RHOBTB2: variants seen among roughly 807,000 people sequenced by gnomAD.
RHOBTB2 encodes Rho related BTB domain containing 2.
In RHOBTB2, 39 loss-of-function variants were observed where a neutral mutation model predicts 66.5. The ratio of observed to expected loss-of-function variants is 0.59; its 90% confidence interval spans 0.45 to 0.77. The LOEUF is 0.77. RHOBTB2 is among the 30% of genes least tolerant of loss of function. The probability of loss-of-function intolerance (pLI) is 0.00; values close to 1 mark genes in which losing one functional copy is unlikely to be tolerated. For missense variants in RHOBTB2, 755 were observed against 999.1 expected, an observed-to-expected ratio of 0.76 and a Z score of 3.29; for synonymous variants, 390 against 395.0, an observed-to-expected ratio of 0.99 and a Z score of 0.15.
intron 3 of RHOBTB2, 39 bp downstream of exon 3, chr8:23,005,514 G>T: frequency 7.3e-7 from 1 of 1,361,974 alleles, no homozygotes; most frequent in Non-Finnish European, 1.1e-6. Flanking sequence ...GAACCAACAG[G>T]GTGGGTTTTT....
chr8:22,988,373 A>G lies in RHOBTB2; in HGVS notation c.-137+810A>G, dbSNP rs557692438. Among the ~76,000 whole-genome samples the G allele has an allele frequency of 2.0e-5, 3 of 151,550 alleles. No homozygotes were observed. The South Asian group carries it at 6.3e-4, about 32-fold the overall frequency. ...GACAGGGTTTCAGCATATTGGCCAC[A>G]CTGGTTTCGAACTCCTGACCTCAAG... On this transcript the variant is annotated intron_variant, in intron 1 of 11. Transcript: ENST00000519685.
At chr8:22,960,163 A>G in the RHOBTB2 span, among the ~76,000 whole-genome samples, 3 of 150,338 alleles carry the variant, frequency 2.0e-5, no homozygotes, top group Admixed American at 6.7e-5. Context: ...AGCCTGGGCG[A>G]CAGAGTGAGA....
At position 23,007,220 on chromosome 8, in the gene RHOBTB2, ACAC is replaced by A. The variant is rs754479791; in HGVS notation, c.984_986del (p.His334del). ...AGGACCACCAGGGCCACTCTGATCAACACCACCACCATCACCACCACCACCATG... is the reference window on the plus strand; with the variant it reads ...AGGACCACCAGGGCCACTCTGATCAACACCACCATCACCACCACCACCATG... On this transcript the variant is annotated inframe_deletion, in exon 5 of 10. Coordinates refer to ENST00000251822, the MANE Select transcript of RHOBTB2 (RefSeq NM_015178.3). 1 of 1,608,338 alleles carries A rather than the reference ACAC, an allele frequency of 6.2e-7. No individual in the cohort carries two copies. Among genetic ancestry groups the A allele is most frequent in the Admixed American group, 1.7e-5 (1 of 59,902 alleles).
At chr8:23,008,697 A>G (rs1200174291) in intron 6 of RHOBTB2, among the ~76,000 whole-genome samples, 1 of 152,180 alleles carries the variant, frequency 6.6e-6, no homozygotes, top group Non-Finnish European at 1.5e-5. Context: ...TCTGGGGTCA[A>G]TCAGGAGGCA....
the RHOBTB2 span, among the ~76,000 whole-genome samples, chr8:22,957,670 A>T: frequency 6.6e-6 from 1 of 152,238 alleles, no homozygotes; most frequent in Non-Finnish European, 1.5e-5. Context: ...CACAGGGGGA[A>T]GGTTTGCAAA....
intron 1 of RHOBTB2, chr8:22,987,623 G>C (rs1810313783): frequency 6.6e-6 from 1 of 152,370 alleles, no homozygotes. Context: ...GGATCTCCAA[G>C]CCCTGGCTTC....
the RHOBTB2 span, among the ~76,000 whole-genome samples, chr8:22,964,331 T>C: frequency 6.6e-6 from 1 of 152,270 alleles, no homozygotes; most frequent in South Asian, 2.1e-4. Context: ...ATTCCAACAT[T>C]CATTCCTAAT....
At chr8:22,970,618 AT>A in the RHOBTB2 span, among the ~76,000 whole-genome samples, 23 of 144,682 alleles carry the variant, frequency 1.6e-4, no homozygotes, top group Non-Finnish European at 3.3e-4. Flanking sequence ...AAAAAAAAAA[AT>A]TTGATTTATT....
upstream of RHOBTB2, among the ~76,000 whole-genome samples, chr8:22,983,697 C>T (rs1810248583): frequency 6.6e-6 from 1 of 151,434 alleles, no homozygotes; most frequent in East Asian, 1.9e-4. Flanking sequence ...TAACTGGTTT[C>T]ACATACTTTG....
At position 22,999,565 on chromosome 8, in the gene RHOBTB2, T is replaced by G. The variant is rs184413796; in HGVS notation, c.-551T>G. 1 of 1,206,436 alleles carries G rather than the reference T, an allele frequency of 8.3e-7. No individual in the cohort carries two copies. The highest frequency in any genetic ancestry group is 1.0e-6 in the Non-Finnish European group (1 of 954,550). 74.7% of individuals were successfully genotyped at this position (1,206,436 alleles called of 1,614,324 possible). A position where few individuals can be genotyped will look rare whatever the true frequency, so the allele number is the denominator to read the frequency against. Reference sequence around the variant, plus strand: ...CAGTGGGCGGGGCCCGTCACGGCTGTCGTCTTGGGTGCGATTTTTTTCTCC... The same window carrying G: ...CAGTGGGCGGGGCCCGTCACGGCTGGCGTCTTGGGTGCGATTTTTTTCTCC... On this transcript the variant is annotated 5_prime_UTR_variant, in exon 1 of 10. Transcript: ENST00000251822.
the RHOBTB2 span, among the ~76,000 whole-genome samples, chr8:22,970,545 G>T: frequency 6.6e-6 from 1 of 151,750 alleles, no homozygotes; most frequent in Non-Finnish European, 1.5e-5. Context: ...AGGCTGCAGT[G>T]AGGTATAATC....
the RHOBTB2 span, among the ~76,000 whole-genome samples, chr8:22,967,602 T>TAAA: frequency 1.7e-5 from 1 of 57,800 alleles, no homozygotes; most frequent in Non-Finnish European, 2.9e-5. Flanking sequence ...AAACTCTGTC[T>TAAA]AAAAAAAAAA....
intron 6 of RHOBTB2, 28 bp from the exon 7 acceptor site, chr8:23,010,510 G>C: frequency 6.2e-7 from 1 of 1,602,080 alleles, no homozygotes; most frequent in Non-Finnish European, 8.5e-7. Context: ...GGATCTCATT[G>C]CTGTCCGCTC....
At chr8:23,009,991 A>G (rs370438749) in intron 6 of RHOBTB2, among the ~76,000 whole-genome samples, 6 of 152,190 alleles carry the variant, frequency 3.9e-5, no homozygotes, top group African/African-American at 1.4e-4. Flanking sequence ...GACAGAAAGA[A>G]ATCAGCTGCT....
At chr8:23,010,734 G>A (rs1811121316) in intron 7 of RHOBTB2, 46 bp downstream of exon 7, 1 of 1,602,266 alleles carries the variant, frequency 6.2e-7, no homozygotes, top group Non-Finnish European at 8.5e-7. Context: ...CAGAGGCCAG[G>A]GAAACCCCAA....
At chr8:22,954,991 C>T in the RHOBTB2 span, among the ~76,000 whole-genome samples, 1 of 152,078 alleles carries the variant, frequency 6.6e-6, no homozygotes, top group Non-Finnish European at 1.5e-5. Flanking sequence ...ATTAGCTGGG[C>T]ATGGTGGAGC....
the RHOBTB2 span, among the ~76,000 whole-genome samples, chr8:22,974,652 G>A: frequency 6.6e-6 from 1 of 152,174 alleles, no homozygotes; most frequent in African/African-American, 2.4e-5. Context: ...TTGCATCCTG[G>A]GTCTATGAAG....
chr8:22,974,198 A>G, the RHOBTB2 span, among the ~76,000 whole-genome samples: 3 of 152,004 alleles, frequency 2.0e-5, no homozygotes. Context: ...AGGGCAGGGG[A>G]GACTGGTTTG....
the RHOBTB2 span, among the ~76,000 whole-genome samples, chr8:22,954,041 C>G: frequency 6.6e-6 from 1 of 152,174 alleles, no homozygotes; most frequent in Admixed American, 6.5e-5. Context: ...TTGCTTCAAG[C>G]TATATGCCAT....
Sources: allele counts gnomAD v4.1 joint callset (sites outside exome capture counted in the v4.1 genomes callset), GRCh38; gene constraint gnomAD v4.1.1; transcripts MANE v1.5; gene names NCBI Gene and HGNC (gene_info 2026-07-23, HGNC 2026-07-21).